Variants in IPO4 observed in about 807,000 individuals in gnomAD.
The protein encoded by IPO4 is importin 4, also known as importin-4.
A neutral mutation model predicts 133.5 loss-of-function variants in IPO4; 91 were observed. The ratio of observed to expected loss-of-function variants is 0.68; its 90% confidence interval spans 0.58 to 0.81. The LOEUF (loss-of-function observed/expected upper bound fraction) is 0.81. Ranked by LOEUF, IPO4 falls within the 30% of genes least tolerant of loss-of-function variation. The pLI is 0.00. For missense variants in IPO4, 1,279 were observed against 1,386.2 expected (o/e 0.92, Z 1.23); for synonymous variants, 607 against 581.6 (o/e 1.04, Z -0.63).
At chr14:24,183,934 T>C (rs1162872794) in intron 18 of IPO4, 36 bp from the exon 19 acceptor site, 1 of 1,613,656 alleles carries the variant, frequency 6.2e-7, no homozygotes, top group African/African-American at 1.3e-5. Flanking sequence ...TTGGCTCAGC[T>C]GGGCCCAGGA....
rs528503911 is a variant in IPO4, at chr14:24,183,470, A to G, written c.2107T>C (p.Phe703Leu). 2.5e-6 allele frequency: 4 copies of G among 1,613,144 alleles called. No individual in the cohort carries two copies. Among genetic ancestry groups the G allele is most frequent in the East Asian group, 2.2e-5 (1 of 44,870 alleles). Residue 703 changes from phenylalanine (F) to leucine (L), a missense_variant, in exon 21 of 30, where the codon TTT becomes CTT. Coordinates refer to ENST00000354464, the MANE Select transcript of IPO4 (RefSeq NM_024658.4). ...PYMESVFEEVFKLLECPHLNV... is the reference protein window; with the variant it reads ...PYMESVFEEVLKLLECPHLNV... ...GGCCCGCTCACCTCCAGCAGTTTAA[A>G]TACTTCTTCAAAGACACTTTCCATG...
At position 24,188,370 on chromosome 14, in the gene IPO4, T is replaced by A. The variant is rs780695358; in HGVS notation, c.210A>T (p.Arg70=). ...TCTCCCGTTGCTCCGCCGCCAGCCG[T>A]CGCCAGCGGGTGTTCAGTCGTCTGC... ...LTRRRLNTRW[R]RLAAEQRESL... Residue 70 remains arginine (R), a synonymous_variant, in exon 3 of 30, where the codon CGA becomes CGT. Coordinates refer to ENST00000354464, the MANE Select transcript of IPO4 (RefSeq NM_024658.4). 2 of 1,613,154 alleles carry A rather than the reference T, an allele frequency of 1.2e-6. No individual in the cohort carries two copies. Among genetic ancestry groups the A allele is most frequent in the Non-Finnish European group, 1.7e-6 (2 of 1,179,746 alleles).
chr14:24,184,615 G>A (rs2039191570), intron 16 of IPO4, 35 bp downstream of exon 16: 8 of 1,508,686 alleles, frequency 5.3e-6, no homozygotes, highest in East Asian at 2.3e-5. Flanking sequence ...CCCTTTGCTG[G>A]CACTGGGAGC....
intron 6 of IPO4, 54 bp downstream of exon 6, chr14:24,187,346 G>C (rs1255845204): frequency 1.3e-6 from 2 of 1,587,792 alleles, no homozygotes; most frequent in Non-Finnish European, 1.7e-6. Flanking sequence ...TTACGGGTGA[G>C]GACATGAAGG....
intron 18 of IPO4, 22 bp downstream of exon 18, chr14:24,183,976 A>ACC: frequency 1.1e-5 from 2 of 180,810 alleles, no homozygotes; most frequent in Admixed American, 6.7e-5. Flanking sequence ...GGCCTGGCCC[A>ACC]GCCCACCCAC....
Position 24,187,446 on chromosome 14 carries a change from AG to A in IPO4, c.541del (p.Leu181CysfsTer4). 6.2e-7 allele frequency: 1 copy of A among 1,614,156 alleles called. No homozygotes were observed. Among genetic ancestry groups the A allele is most frequent in the East Asian group, 2.2e-5 (1 of 44,882 alleles). On this transcript the variant is annotated frameshift_variant, in exon 6 of 30. Coordinates refer to ENST00000354464, the MANE Select transcript of IPO4 (RefSeq NM_024658.4). LOFTEE classifies it high-confidence loss of function. ...VGSPGLLFYS[L>X]RTLTTMAPYL... The stretch of plus-strand genomic sequence containing the variant: ...GGGAGCCATGGTGGTCAGAGTGCGC[AG>A]GGAGTAGAAGAGCAGCCCAGGAGAG...
Position 24,188,237 on chromosome 14 carries a change from G to T in IPO4, c.257C>A (p.Thr86Lys). 1.2e-6 allele frequency: 2 copies of T among 1,613,568 alleles called. No homozygotes were observed. The highest frequency in any genetic ancestry group is 8.5e-7 in the Non-Finnish European group (1 of 1,179,766). The change falls in exon 4 of 30, where the codon ACG becomes AAG. Residue 86 changes from threonine to lysine, a missense_variant. Physicochemically the swap from Thr to Lys is moderately conservative, Grantham distance 78. Transcript: ENST00000354464. Reference sequence around the variant, plus strand: ...TTACTCTGTTTCTCTCTGCAGGGCCGTCAGGATCAGGGACTTGAGGCTGGA... The same window carrying T: ...TTACTCTGTTTCTCTCTGCAGGGCCTTCAGGATCAGGGACTTGAGGCTGGA... The part of the protein sequence containing the change: ...QRESLKSLIL[T>K]ALQRETEHCV...
Position 24,180,280 on chromosome 14 carries a change from CAG to C in IPO4, c.*160_*161del. On this transcript the variant is annotated 3_prime_UTR_variant, in exon 30 of 30. Transcript: ENST00000354464. ...GTATGATGTCATGACTCATTTGTAACAGATCCAGCCTCAGGGACAGCCCTGTA... is the reference window on the plus strand; with the variant it reads ...GTATGATGTCATGACTCATTTGTAACATCCAGCCTCAGGGACAGCCCTGTA... 6.5e-7 allele frequency: 1 copy of C among 1,527,242 alleles called. No homozygotes were observed. The highest frequency in any genetic ancestry group is 8.8e-7 in the Non-Finnish European group (1 of 1,132,304). The allele number at this position is 1,527,242 out of a possible 1,614,324, so 94.6% of individuals were successfully genotyped here. A position where few individuals can be genotyped will look rare whatever the true frequency, so the allele number is the denominator to read the frequency against.
chr14:24,184,381 G>C lies in IPO4; in HGVS notation c.1674C>G (p.Pro558=). 1.9e-6 allele frequency: 3 copies of C among 1,608,566 alleles called. No individual in the cohort carries two copies. Among genetic ancestry groups the C allele is most frequent in the Non-Finnish European group, 2.5e-6 (3 of 1,177,964 alleles). Residue 558 remains proline (P), a synonymous_variant, in exon 17 of 30, where the codon CCC becomes CCG. Transcript: ENST00000354464. ...AGCATTCCTCAGCCAGCGGCCTCAT[G>C]GGCTCCCCCACTGCTCGTGCCAGCA... The part of the protein sequence containing the change: ...LGVLARAVGE[P]MRPLAEECCQ...
intron 4 of IPO4, 109 bp downstream of exon 4, chr14:24,188,107 C>T (rs2039252240): frequency 3.4e-6 from 4 of 1,160,462 alleles, no homozygotes; most frequent in Admixed American, 4.1e-5. Context: ...CTCCACCTTG[C>T]GTCTAGAACT....
At position 24,188,442 on chromosome 14, in the gene IPO4, C is replaced by T. The variant is rs1369279830; in HGVS notation, c.157-19G>A. On this transcript the variant is annotated intron_variant, in intron 2 of 29. Transcript: ENST00000354464. ...GGCGGATCTAGGACGAGGAAGCAAGCACGTGGGGGTCCGGGCAGGAAGGTG... is the reference window on the plus strand; with the variant it reads ...GGCGGATCTAGGACGAGGAAGCAAGTACGTGGGGGTCCGGGCAGGAAGGTG... 1 of 1,610,128 alleles carries T rather than the reference C, an allele frequency of 6.2e-7. No homozygotes were observed. The highest frequency in any genetic ancestry group is 2.2e-5 in the East Asian group (1 of 44,868).
chr14:24,181,832 T>C lies in IPO4; in HGVS notation c.2819A>G (p.Lys940Arg). ...GAGGGGAAAAAGGAGCCCCAGCAGC[T>C]TGGGGAAGTGTCTGGTCCACAGTCA... The part of the protein sequence containing the change: ...GGHPAQEHFP[K>R]LLGLLFPLLA... Residue 940 changes from lysine to arginine, a missense_variant, in exon 27 of 30, where the codon AAG becomes AGG. Coordinates refer to ENST00000354464, the MANE Select transcript of IPO4 (RefSeq NM_024658.4). 3 of 1,596,762 alleles carry C rather than the reference T, an allele frequency of 1.9e-6. No homozygotes were observed. The highest frequency in any genetic ancestry group is 2.6e-6 in the Non-Finnish European group (3 of 1,169,592).
In IPO4 at chr14:24,187,087, C is replaced by A. The variant is rs577171073; in HGVS notation, c.652G>T (p.Glu218Ter). ...AGCTCCTGCCCACCTGTCCTCACCT[C>A]ATCTATGGGGATCAGAGTCTGCATG... The part of the protein sequence containing the change: ...MAMQTLIPID[E>*]AKACEALEAL... The change falls in exon 7 of 30, where the codon GAG (glutamate) becomes TAG (stop). Residue 218 changes from glutamate (E) to a stop codon, truncating the protein, a stop_gained and splice_region_variant. Transcript: ENST00000354464. LOFTEE classifies it high-confidence loss of function. 1.2e-6 allele frequency: 2 copies of A among 1,613,936 alleles called. No individual in the cohort carries two copies. The highest frequency in any genetic ancestry group is 2.7e-5 in the African/African-American group (2 of 74,926).
At position 24,181,806 on chromosome 14, in the gene IPO4, G is replaced by C. The variant is rs778510649; in HGVS notation, c.2845C>G (p.Leu949Val). 63 of 1,598,032 alleles carry C rather than the reference G, an allele frequency of 3.9e-5. No individual in the cohort carries two copies. Among genetic ancestry groups the C allele is most frequent in the Non-Finnish European group, 5.2e-5 (61 of 1,170,408 alleles). ...PKLLGLLFPL[L>V]ARERHDRVRD... ...ACACGATCATGTCGCTCCCGCGCCA[G>C]GAGGGGAAAAAGGAGCCCCAGCAGC... The change falls in exon 27 of 30, where the codon CTG becomes GTG. Residue 949 changes from leucine to valine, a missense_variant. Leu to Val is a conservative substitution (Grantham distance 32). Coordinates refer to ENST00000354464, the MANE Select transcript of IPO4 (RefSeq NM_024658.4).
rs372075099 is a variant in IPO4, at chr14:24,187,841, C to G, written c.279-45G>C. The G allele has an allele frequency of 7.5e-6, 12 of 1,609,438 alleles. No individual in the cohort carries two copies. The African/African-American group carries it at 8.0e-5, about 11-fold the overall frequency. ...CCTCCAATCACCCTTCAATACCTTC[C>G]TCTGCACACAGTGGCCAGGCTCAAT... On this transcript the variant is annotated intron_variant, in intron 4 of 29. Coordinates refer to ENST00000354464, the MANE Select transcript of IPO4 (RefSeq NM_024658.4).
rs201683526 is a variant in IPO4 at position 24,181,811 on chromosome 14, G to A, written c.2840C>T (p.Pro947Leu). 2 of 1,597,564 alleles carry A rather than the reference G, an allele frequency of 1.3e-6. No individual in the cohort carries two copies. The highest frequency in any genetic ancestry group is 1.3e-5 in the African/African-American group (1 of 74,702). ...HFPKLLGLLF[P>L]LLARERHDRV... ...ATCATGTCGCTCCCGCGCCAGGAGG[G>A]GAAAAAGGAGCCCCAGCAGCTTGGG... is the stretch of plus-strand genomic sequence containing the variant. Residue 947 changes from proline to leucine, a missense_variant, in exon 27 of 30, where the codon CCC (proline) becomes CTC (leucine). Physicochemically the swap from Pro to Leu is moderately conservative, Grantham distance 98. Transcript: ENST00000354464.
chr14:24,184,077 A>G lies in IPO4; in HGVS notation c.1790T>C (p.Met597Thr), dbSNP rs2039182743. The change falls in exon 18 of 30, where the codon ATG becomes ACG. Residue 597 changes from methionine to threonine, a missense_variant. By Grantham distance (81) the Met-to-Thr change is moderately conservative. This residue lies in a region of IPO4 where 575 missense variants were observed against 653.4 expected (regional missense o/e 0.88). Coordinates refer to ENST00000354464, the MANE Select transcript of IPO4 (RefSeq NM_024658.4). Reference protein sequence around the residue: ...YSLFAALSGLMGEGLAPHLEQ... With the variant: ...YSLFAALSGLTGEGLAPHLEQ... Reference sequence around the variant, plus strand: ...CAAGTGGGGCGCCAGGCCCTCACCCATCAGACCCGATAAGGCTGCAAATAG... The same window carrying G: ...CAAGTGGGGCGCCAGGCCCTCACCCGTCAGACCCGATAAGGCTGCAAATAG... 1.3e-6 allele frequency: 2 copies of G among 1,562,500 alleles called. No homozygotes were observed. Among genetic ancestry groups the G allele is most frequent in the Non-Finnish European group, 1.7e-6 (2 of 1,151,172 alleles).
intron 19 of IPO4, 38 bp downstream of exon 19, chr14:24,183,745 A>G: frequency 6.2e-7 from 1 of 1,614,162 alleles, no homozygotes; most frequent in Non-Finnish European, 8.5e-7. Flanking sequence ...TCTAAAGCCA[A>G]AGTCTAGATT....
Position 24,188,631 on chromosome 14 carries a change from T to C in IPO4, c.77A>G (p.Glu26Gly). Residue 26 changes from glutamate (E) to glycine (G), a missense_variant, in exon 2 of 30, where the codon GAA becomes GGA. Glu to Gly is a moderately conservative substitution (Grantham distance 98, BLOSUM62 -2). Transcript: ENST00000354464. ...PDTERIRRAT[E>G]QLQIVLRAPA... ...GGCCCGAAGAACGATCTGGAGCTGTTCCGTGGCCTGGGGGGAAGCTAGGGG... is the reference window on the plus strand; with the variant it reads ...GGCCCGAAGAACGATCTGGAGCTGTCCCGTGGCCTGGGGGGAAGCTAGGGG... 6.2e-7 allele frequency: 1 copy of C among 1,611,240 alleles called. No homozygotes were observed. The highest frequency in any genetic ancestry group is 8.5e-7 in the Non-Finnish European group (1 of 1,178,902).
Sources: gnomAD v4.1 joint callset for allele counts on GRCh38, gnomAD v4.1.1 for gene constraint, gnomAD v4.1.1 regional missense constraint, MANE v1.5 for transcripts, NCBI Gene and HGNC (gene_info 2026-07-23, HGNC 2026-07-21) for gene names.